The following DMAC2L variants were observed in gnomAD, a reference collection of about 807,000 sequenced individuals.
DMAC2L encodes the protein ATP synthase subunit s, mitochondrial.
In DMAC2L, 21 loss-of-function variants were observed where a neutral mutation model predicts 22.5. That is an observed-to-expected ratio of 0.93 (90% confidence interval 0.66 to 1.34). The LOEUF is 1.34. Among genes scored for constraint, DMAC2L ranks in the 40% most tolerant of loss-of-function variants. The pLI, the probability that DMAC2L is intolerant of heterozygous loss-of-function variation, is 0.00. For synonymous variants in DMAC2L, 86 were observed against 89.5 expected, an observed-to-expected ratio of 0.96 and a Z score of 0.22; for missense variants, 239 against 246.5, an observed-to-expected ratio of 0.97 and a Z score of 0.20.
At chr14:50,322,238 A>G (rs1018519624) in intron 3 of DMAC2L, among the ~76,000 whole-genome samples, 1 of 152,248 alleles carries the variant, frequency 6.6e-6, no homozygotes, top group Non-Finnish European at 1.5e-5. Flanking sequence ...ATGTGAATCA[A>G]TGAAACGTTG....
upstream of DMAC2L, chr14:50,312,315 G>C (rs2031286476): frequency 2.0e-6 from 2 of 1,016,958 alleles, no homozygotes; most frequent in Non-Finnish European, 2.8e-6. Flanking sequence ...GCGCGCGTCG[G>C]AGGGCGAAGG....
chr14:50,324,840 A>G (rs988327274), intron 5 of DMAC2L: 1 of 152,376 alleles, frequency 6.6e-6, no homozygotes, highest in African/African-American at 2.4e-5. Context: ...CAGTGGCATG[A>G]TCTTGGCTCA....
intron 2 of DMAC2L, 50 bp downstream of exon 2, chr14:50,314,676 CTG>C: frequency 2.2e-6 from 1 of 453,520 alleles, no homozygotes; most frequent in South Asian, 1.6e-5. Flanking sequence ...GGGTTATGCT[CTG>C]TTGCCCAGGC....
intron 2 of DMAC2L, chr14:50,318,940 T>A: frequency 1.3e-6 from 1 of 773,558 alleles, no homozygotes; most frequent in Non-Finnish European, 1.6e-6. Flanking sequence ...TTCTCCTTTG[T>A]TCTTGTTTTT....
intron 2 of DMAC2L, among the ~76,000 whole-genome samples, chr14:50,317,373 A>G (rs1203373907): frequency 6.6e-6 from 1 of 152,178 alleles, no homozygotes; most frequent in East Asian, 1.9e-4. Context: ...ATCATTAGCA[A>G]ATAGCAAGTT....
In DMAC2L at chr14:50,325,830, AC is replaced by A. The variant is rs1277177408; in HGVS notation, c.*108del. On this transcript the variant is annotated 3_prime_UTR_variant, in exon 6 of 6. Transcript: ENST00000557421. ...AGAATTATAAGGATGCCATATCATG[AC>A]ATTTTAGAAGTGGAGAGTGCATCAT... is the stretch of plus-strand genomic sequence containing the variant. 1 of 1,446,640 alleles carries A rather than the reference AC, an allele frequency of 6.9e-7. No individual in the cohort carries two copies. The highest frequency in any genetic ancestry group is 9.1e-7 in the Non-Finnish European group (1 of 1,101,582). The allele number at this position is 1,446,640 out of a possible 1,614,324, so 89.6% of individuals were successfully genotyped here. A position where few individuals can be genotyped will look rare whatever the true frequency, so the allele number is the denominator to read the frequency against.
At chr14:50,311,655 G>C (rs781136130), upstream of DMAC2L, among the ~76,000 whole-genome samples, 4 of 152,212 alleles carry the variant, frequency 2.6e-5, no homozygotes, top group Non-Finnish European at 5.9e-5. Flanking sequence ...TATACTGTGT[G>C]CTAGGTCCTT....
intron 4 of DMAC2L, chr14:50,323,103 T>G (rs2032421268): frequency 2.1e-5 from 13 of 607,026 alleles, no homozygotes; most frequent in Non-Finnish European, 2.6e-5. Flanking sequence ...TTTTTTTTTT[T>G]GAGACAGAGT....
chr14:50,322,672 T>C lies in DMAC2L; in HGVS notation c.269T>C (p.Ile90Thr), dbSNP rs764042573. ...GPLDKYKIQA[I>T]DATDSCIMSI... Reference sequence around the variant, plus strand: ...CTGGACAAATACAAGATTCAGGCGATCGACGCCACCGACTCTTGTATCATG... The same window carrying C: ...CTGGACAAATACAAGATTCAGGCGACCGACGCCACCGACTCTTGTATCATG... Residue 90 changes from isoleucine to threonine, a missense_variant, in exon 4 of 6, where the codon ATC (isoleucine) becomes ACC (threonine). Transcript: ENST00000557421. 1 of 1,614,116 alleles carries C rather than the reference T, an allele frequency of 6.2e-7. No individual in the cohort carries two copies. Among genetic ancestry groups the C allele is most frequent in the East Asian group, 2.2e-5 (1 of 44,880 alleles).
At chr14:50,311,922 G>T, upstream of DMAC2L, 1 of 1,511,736 alleles carries the variant, frequency 6.6e-7, no homozygotes, top group South Asian at 1.2e-5. Context: ...CCCGGGACAG[G>T]GAAATACGAA....
At chr14:50,320,288 T>C (rs2032162203) in intron 2 of DMAC2L, among the ~76,000 whole-genome samples, 1 of 152,108 alleles carries the variant, frequency 6.6e-6, no homozygotes, top group South Asian at 2.1e-4. Flanking sequence ...TTTTGGTATT[T>C]TTAGTAGAGA....
intron 2 of DMAC2L, among the ~76,000 whole-genome samples, chr14:50,316,804 G>T (rs1212790856): frequency 6.6e-6 from 1 of 152,136 alleles, no homozygotes; most frequent in African/African-American, 2.4e-5. Context: ...TGGCCTTATG[G>T]TATAGTTTGA....
At position 50,322,545 on chromosome 14, in the gene DMAC2L, G is replaced by T. The variant is rs1486637237; in HGVS notation, c.142G>T (p.Asp48Tyr). 6 of 1,613,410 alleles carry T rather than the reference G, an allele frequency of 3.7e-6. No homozygotes were observed. The Admixed American group carries it at 1.0e-4, about 27-fold the overall frequency. Residue 48 changes from aspartate (D) to tyrosine (Y), a missense_variant, in exon 4 of 6, where the codon GAC becomes TAC. Coordinates refer to ENST00000557421, the MANE Select transcript of DMAC2L (RefSeq NM_001382507.1). ...DYDRIRDVGP[D>Y]RAASEWLLRC... ...TGATCGCATCAGGGATGTTGGCCCTGACAGGGCGGCATCCGAGTGGTTGCT... is the reference window on the plus strand; with the variant it reads ...TGATCGCATCAGGGATGTTGGCCCTTACAGGGCGGCATCCGAGTGGTTGCT...
chr14:50,321,519 T>A lies in DMAC2L; in HGVS notation c.32T>A (p.Leu11Ter). MMPFGKISQQ[L>*]CGVKKLPWSC... is the part of the protein sequence containing the mutation. The stretch of plus-strand genomic sequence containing the variant: ...CCGTTTGGAAAAATTTCCCAGCAGT[T>A]GTGTGGCGTAAAGAAACTCCCATGG... Residue 11 changes from leucine (L) to a stop codon, truncating the protein, a stop_gained, in exon 3 of 6, where the codon TTG becomes TAG. Transcript: ENST00000557421. LOFTEE classifies it high-confidence loss of function. 1.2e-6 allele frequency: 2 copies of A among 1,614,086 alleles called. No homozygotes were observed. Among genetic ancestry groups the A allele is most frequent in the Non-Finnish European group, 1.7e-6 (2 of 1,179,964 alleles).
In DMAC2L at chr14:50,325,853, T is replaced by TC; in HGVS notation, c.*131dup. On this transcript the variant is annotated 3_prime_UTR_variant, in exon 6 of 6. Coordinates refer to ENST00000557421, the MANE Select transcript of DMAC2L (RefSeq NM_001382507.1). ...TGACATTTTAGAAGTGGAGAGTGCA[T>TC]CATATGTAGAAAATAAATATTCAGA... 7.3e-7 allele frequency: 1 copy of TC among 1,367,140 alleles called. No individual in the cohort carries two copies. The highest frequency in any genetic ancestry group is 1.5e-5 in the African/African-American group (1 of 67,972). 84.7% of individuals were successfully genotyped at this position (1,367,140 alleles called of 1,614,324 possible).
At chr14:50,319,971 G>A (rs1196312205) in intron 2 of DMAC2L, among the ~76,000 whole-genome samples, 1 of 152,146 alleles carries the variant, frequency 6.6e-6, no homozygotes, top group Non-Finnish European at 1.5e-5. Context: ...CTTTCGTATG[G>A]CCTCATGTGA....
chr14:50,316,933 G>T (rs1013304031), intron 2 of DMAC2L, among the ~76,000 whole-genome samples: 1 of 152,174 alleles, frequency 6.6e-6, no homozygotes, highest in Admixed American at 6.5e-5. Flanking sequence ...TCTGAAGAAT[G>T]ATGGTATTTT....
chr14:50,321,133 AAATATAGATGGGG>A (rs1282639579), intron 2 of DMAC2L, among the ~76,000 whole-genome samples: 2 of 152,072 alleles, frequency 1.3e-5, no homozygotes, highest in Non-Finnish European at 2.9e-5. Flanking sequence ...TTGATGCTGG[AAATATAGATGGGG>A]AATAGAGGAG....
intron 2 of DMAC2L, among the ~76,000 whole-genome samples, chr14:50,319,819 C>T (rs181751907): frequency 7.2e-5 from 11 of 152,304 alleles, no homozygotes; most frequent in South Asian, 6.2e-4. Context: ...CTTTTAATGG[C>T]ATCACCATCC....
Sources: allele counts gnomAD v4.1 joint callset (sites outside exome capture counted in the v4.1 genomes callset), GRCh38; gene constraint gnomAD v4.1.1; transcripts MANE v1.5; gene names NCBI Gene and HGNC (gene_info 2026-07-23, HGNC 2026-07-21).